The following MAF variants were observed in gnomAD, a reference collection of about 807,000 sequenced individuals.
The protein encoded by MAF is transcription factor Maf.
In MAF, 10 loss-of-function variants were observed where a neutral mutation model predicts 22.0. The observed-to-expected ratio is 0.45, with a 90% CI of 0.28 to 0.77. The LOEUF is 0.77. MAF is among the 30% of genes least tolerant of loss of function. The pLI, the probability that MAF is intolerant of heterozygous loss-of-function variation, is 0.12. For missense variants in MAF, 544 were observed against 548.4 expected (o/e 0.99, Z 0.08); for synonymous variants, 337 against 255.8 (o/e 1.32, Z -3.03).
At chr16:79,210,855 A>G in the MAF span, among the ~76,000 whole-genome samples, 141 of 152,290 alleles carry the variant, frequency 9.3e-4, no homozygotes, top group Admixed American at 7.3e-3. Flanking sequence ...GGTGAATGAA[A>G]GTGATCAGCT....
chr16:79,384,104 G>A, the MAF span, among the ~76,000 whole-genome samples: 32 of 152,238 alleles, frequency 2.1e-4, no homozygotes, highest in African/African-American at 7.0e-4. Flanking sequence ...AGGGTGCCTA[G>A]AACAGGAAGG....
At chr16:79,212,464 T>TCATTCCTTAGATACCTTG in the MAF span, 1 of 241,382 alleles carries the variant, frequency 4.1e-6, no homozygotes, top group Non-Finnish European at 8.1e-6. Flanking sequence ...ATTTTTCAAA[T>TCATTCCTTAGATACCTTG]CATTCCTTAG....
chr16:79,416,853 T>C, the MAF span, among the ~76,000 whole-genome samples: 3 of 152,282 alleles, frequency 2.0e-5, no homozygotes, highest in African/African-American at 7.2e-5. Context: ...GGGGAGACAA[T>C]GAAGTGTTAT....
At chr16:79,472,278 A>G in the MAF span, among the ~76,000 whole-genome samples, 1 of 152,212 alleles carries the variant, frequency 6.6e-6, no homozygotes, top group Non-Finnish European at 1.5e-5. Flanking sequence ...AATCTACCCA[A>G]GAGAAATGAA....
the MAF span, among the ~76,000 whole-genome samples, chr16:79,374,971 A>G: frequency 6.6e-6 from 1 of 152,190 alleles, no homozygotes; most frequent in Non-Finnish European, 1.5e-5. Flanking sequence ...CATAAGCTCA[A>G]CTATGTCCAC....
chr16:79,528,001 G>T, the MAF span, among the ~76,000 whole-genome samples: 4 of 152,178 alleles, frequency 2.6e-5, no homozygotes, highest in South Asian at 2.1e-4. Context: ...AAATTAGCCG[G>T]GCGTGTTGGT....
At chr16:79,480,428 C>T in the MAF span, among the ~76,000 whole-genome samples, 2 of 151,810 alleles carry the variant, frequency 1.3e-5, no homozygotes, top group Non-Finnish European at 2.9e-5. Context: ...CAGATTGAGA[C>T]AAGCAAGGGA....
the MAF span, among the ~76,000 whole-genome samples, chr16:79,411,768 T>A: frequency 1.3e-5 from 2 of 152,254 alleles, no homozygotes; most frequent in Non-Finnish European, 2.9e-5. Flanking sequence ...TCACTCTTCC[T>A]GCATGTTATG....
the MAF span, among the ~76,000 whole-genome samples, chr16:79,213,070 G>C: frequency 6.6e-6 from 1 of 152,188 alleles, no homozygotes; most frequent in Admixed American, 6.5e-5. Context: ...TGGGAGCTGT[G>C]CAGAAGCTCT....
chr16:79,229,294 A>C, the MAF span: 1 of 151,512 alleles, frequency 6.6e-6, no homozygotes, highest in Non-Finnish European at 1.5e-5. Flanking sequence ...CCAAGACAGC[A>C]GGGTCAGTGA....
chr16:79,466,599 ACCTGG>A, the MAF span, among the ~76,000 whole-genome samples: 6 of 152,220 alleles, frequency 3.9e-5, no homozygotes, highest in African/African-American at 1.2e-4. Flanking sequence ...CTGTCTACAC[ACCTGG>A]TGGTCAGCAA....
At chr16:79,491,826 T>C in the MAF span, among the ~76,000 whole-genome samples, 3 of 152,288 alleles carry the variant, frequency 2.0e-5, no homozygotes, top group Admixed American at 6.5e-5. Context: ...TGAGAATCTC[T>C]TCCTCTTAAA....
chr16:79,285,417 TG>T, the MAF span, among the ~76,000 whole-genome samples: 12 of 152,212 alleles, frequency 7.9e-5, no homozygotes, highest in Admixed American at 7.9e-4. Flanking sequence ...GGGACGAGAA[TG>T]CCTAAGCTGT....
At chr16:79,442,596 C>T in the MAF span, among the ~76,000 whole-genome samples, 1 of 151,844 alleles carries the variant, frequency 6.6e-6, no homozygotes, top group African/African-American at 2.4e-5. Context: ...GGCTGACATA[C>T]AGTGGTGCAG....
the MAF span, among the ~76,000 whole-genome samples, chr16:79,351,682 A>G: frequency 6.6e-6 from 1 of 151,792 alleles, no homozygotes; most frequent in Non-Finnish European, 1.5e-5. Flanking sequence ...CAAGGCCACT[A>G]GTTTCTGGGG....
the MAF span, among the ~76,000 whole-genome samples, chr16:79,243,419 C>T: frequency 1.3e-5 from 2 of 151,890 alleles, no homozygotes; most frequent in African/African-American, 4.8e-5. Flanking sequence ...AAACTATTGT[C>T]AGGGAATACT....
the MAF span, among the ~76,000 whole-genome samples, chr16:79,428,324 G>A: frequency 2.0e-5 from 3 of 152,038 alleles, no homozygotes; most frequent in African/African-American, 7.2e-5. Context: ...TCACCCCTGG[G>A]GGTGGCAAGC....
the MAF span, among the ~76,000 whole-genome samples, chr16:79,302,270 C>A: frequency 8.5e-5 from 13 of 152,206 alleles, no homozygotes; most frequent in Non-Finnish European, 4.4e-5. Context: ...CACTGGATTA[C>A]GTTCTGGTTG....
At chr16:79,345,798 A>G in the MAF span, among the ~76,000 whole-genome samples, 2 of 149,178 alleles carry the variant, frequency 1.3e-5, no homozygotes, top group East Asian at 4.0e-4. Flanking sequence ...TTCCATTTTA[A>G]GTGTATATCA....
Sources: gnomAD v4.1 joint callset for allele counts (sites outside exome capture counted in the v4.1 genomes callset) on GRCh38, gnomAD v4.1.1 for gene constraint, MANE v1.5 for transcripts, NCBI Gene and HGNC (gene_info 2026-07-23, HGNC 2026-07-21) for gene names.